The following PPCS variants were observed in gnomAD, a reference collection of about 807,000 sequenced individuals.
PPCS encodes the protein phosphopantothenate--cysteine ligase.
Under a neutral mutation model 24.6 loss-of-function variants are expected in PPCS, and 17 were observed. That is an observed-to-expected ratio of 0.69 (90% confidence interval 0.47 to 1.04). The LOEUF (loss-of-function observed/expected upper bound fraction) is 1.04. Among genes scored for constraint, PPCS ranks in the 50% least tolerant of loss-of-function variants. PPCS has a pLI of 0.00. For missense variants in PPCS, 360 were observed against 402.8 expected, an observed-to-expected ratio of 0.89 and a Z score of 0.91; for synonymous variants, 190 against 168.3, an observed-to-expected ratio of 1.13 and a Z score of -1.00.
upstream of PPCS, chr1:42,456,422 G>A (rs1287539664): frequency 5.5e-6 from 5 of 906,580 alleles, no homozygotes. Flanking sequence ...CGCATTTCCA[G>A]ACTTGGCGAG....
intron 2 of PPCS, 46 bp from the exon 3 acceptor site, chr1:42,459,557 G>A (rs1007906541): frequency 4.0e-6 from 6 of 1,490,356 alleles, no homozygotes; most frequent in African/African-American, 2.8e-5. Context: ...GACCTGGTAG[G>A]TAATGACCAT....
chr1:42,466,787 G>A (rs1382512692), intron 2 of PPCS, among the ~76,000 whole-genome samples: 2 of 152,054 alleles, frequency 1.3e-5, no homozygotes, highest in African/African-American at 4.8e-5. Flanking sequence ...CCTGACCTCA[G>A]GTGATCCATC....
intron 1 of PPCS, 64 bp downstream of exon 1, chr1:42,457,137 C>G: frequency 6.3e-7 from 1 of 1,586,360 alleles, no homozygotes; most frequent in Admixed American, 1.7e-5. Context: ...CCACTTATCC[C>G]CTTACCTCCT....
At chr1:42,467,927 C>G (rs1330131138) in intron 2 of PPCS, 1 of 152,228 alleles carries the variant, frequency 6.6e-6, no homozygotes, top group Non-Finnish European at 1.5e-5. Context: ...TCTTTTCAGC[C>G]TTGCTGATGA....
At chr1:42,459,440 C>A in intron 2 of PPCS, 163 bp from the exon 3 acceptor site, 1 of 680,324 alleles carries the variant, frequency 1.5e-6, no homozygotes, top group Non-Finnish European at 2.4e-6. Flanking sequence ...GGATTACAGG[C>A]CAAGCCACTG....
rs1366392984 is a variant in PPCS, at chr1:42,457,312, C to T, written c.574C>T (p.Pro192Ser). The T allele has an allele frequency of 3.1e-6, 5 of 1,614,058 alleles. No individual in the cohort carries two copies. The African/African-American group carries it at 5.3e-5, about 17-fold the overall frequency. Reference sequence around the variant, plus strand: ...TTTCTATGTTCCTGTCTCTGAAATGCCTGAACACAAGATCCAGTCATCTGG... The same window carrying T: ...TTTCTATGTTCCTGTCTCTGAAATGTCTGAACACAAGATCCAGTCATCTGG... ...SDFYVPVSEM[P>S]EHKIQSSGGP... Residue 192 changes from proline to serine, a missense_variant, in exon 2 of 3, where the codon CCT becomes TCT. Pro to Ser is a moderately conservative substitution (Grantham distance 74). Transcript: ENST00000372561.
intron 2 of PPCS, among the ~76,000 whole-genome samples, chr1:42,467,985 C>T (rs1227115906): frequency 6.6e-6 from 1 of 152,190 alleles, no homozygotes. Context: ...GGAGCAAACT[C>T]GCAGGGAAGC....
chr1:42,460,016 A>G lies in PPCS; in HGVS notation c.*90A>G. The G allele has an allele frequency of 6.8e-7, 1 of 1,469,860 alleles. No individual in the cohort carries two copies. Among genetic ancestry groups the G allele is most frequent in the South Asian group, 1.5e-5 (1 of 68,846 alleles). The allele number at this position is 1,469,860 out of a possible 1,614,324, so 91.1% of individuals were successfully genotyped here. On this transcript the variant is annotated 3_prime_UTR_variant, in exon 3 of 3. Coordinates refer to ENST00000372561, the MANE Select transcript of PPCS (RefSeq NM_024664.4). ...AAAACCATGGCTTTCATATGGACAGATAAAATGAAAGAAAGGGAAAAGGCA... is the reference window on the plus strand; with the variant it reads ...AAAACCATGGCTTTCATATGGACAGGTAAAATGAAAGAAAGGGAAAAGGCA...
intron 2 of PPCS, among the ~76,000 whole-genome samples, chr1:42,466,563 T>C (rs925139108): frequency 6.6e-6 from 1 of 152,052 alleles, no homozygotes; most frequent in Admixed American, 6.5e-5. Context: ...TTTTGTTTTT[T>C]TTTTTTGAGA....
intron 2 of PPCS, among the ~76,000 whole-genome samples, chr1:42,470,368 C>T (rs1301558616): frequency 1.3e-5 from 2 of 151,344 alleles, no homozygotes; most frequent in Admixed American, 6.6e-5. Context: ...CTGGTAGGAA[C>T]GTAAAATGGT....
Position 42,459,919 on chromosome 1 carries a change from G to A in PPCS, c.929G>A (p.Arg310Lys), listed in dbSNP as rs368483468. Residue 310 changes from arginine (R) to lysine (K), a missense_variant, in exon 3 of 3, where the codon AGA becomes AAA. Physicochemically the swap from Arg to Lys is conservative, Grantham distance 26. Coordinates refer to ENST00000372561, the MANE Select transcript of PPCS (RefSeq NM_024664.4). ...QSRHTAFIGD[R>K]N ...CGACACACAGCTTTTATAGGTGACA[G>A]AAACTGAAGTAAAAAGCCCTTATAG... The A allele has an allele frequency of 1.2e-6, 2 of 1,603,792 alleles. No individual in the cohort carries two copies. The highest frequency in any genetic ancestry group is 2.7e-5 in the African/African-American group (2 of 74,274).
At position 42,471,228 on chromosome 1, in the gene PPCS, T is replaced by A. The variant is rs142933329; in HGVS notation, n.378-1894T>A. Among the ~76,000 whole-genome samples, 803 of 152,266 alleles carry A rather than the reference T, an allele frequency of 5.3e-3. 6 individuals carry two copies. Among genetic ancestry groups the A allele is most frequent in the African/African-American group, 0.018 (750 of 41,540 alleles). On this transcript the variant is annotated intron_variant and non_coding_transcript_variant, in intron 2 of 2. Coordinates refer to the PPCS transcript ENST00000471420. The stretch of plus-strand genomic sequence containing the variant: ...GTCCTACTGATCAGCAAGGATCAGA[T>A]CCAAAGGTATTTTCCAATATCCTGA...
Position 42,460,610 on chromosome 1 carries a change from T to C in PPCS, c.*684T>C, listed in dbSNP as rs1479026346. ...TTTTCAGTTTAACTTAATATGTCCTTCCACCTGGGACCAGGCAGGGGCCAC... is the reference window on the plus strand; with the variant it reads ...TTTTCAGTTTAACTTAATATGTCCTCCCACCTGGGACCAGGCAGGGGCCAC... On this transcript the variant is annotated 3_prime_UTR_variant, in exon 3 of 3. Transcript: ENST00000372561. Among the ~76,000 whole-genome samples the C allele has an allele frequency of 6.6e-6, 1 of 152,222 alleles. No homozygotes were observed. The highest frequency in any genetic ancestry group is 1.9e-4 in the East Asian group (1 of 5,206).
chr1:42,456,639 G>T lies in PPCS; in HGVS notation c.74G>T (p.Arg25Leu), dbSNP rs774666574. The T allele has an allele frequency of 6.5e-7, 1 of 1,542,122 alleles. No homozygotes were observed. Residue 25 changes from arginine (R) to leucine (L), a missense_variant, in exon 1 of 3, where the codon CGC becomes CTC. Arg to Leu is a moderately radical substitution (Grantham distance 102, BLOSUM62 -2). Transcript: ENST00000372561. ...GAARWAEVMA[R>L]FAARLGAQGR... The stretch of plus-strand genomic sequence containing the variant: ...GCGCGCTGGGCTGAGGTTATGGCTC[G>T]CTTCGCGGCCAGGCTGGGCGCGCAG...
intron 2 of PPCS, among the ~76,000 whole-genome samples, chr1:42,470,092 G>C (rs563191673): frequency 6.6e-6 from 1 of 152,296 alleles, no homozygotes; most frequent in South Asian, 2.1e-4. Context: ...GTGGGACAAA[G>C]GGGTAAGATA....
At chr1:42,458,328 G>A (rs771100513) in intron 2 of PPCS, among the ~76,000 whole-genome samples, 2 of 152,166 alleles carry the variant, frequency 1.3e-5, no homozygotes, top group Non-Finnish European at 2.9e-5. Flanking sequence ...TATGGATAAG[G>A]TAGGTGTGGT....
At chr1:42,463,344 G>C (rs1390645122), downstream of PPCS, 2 of 152,254 alleles carry the variant, frequency 1.3e-5, no homozygotes, top group East Asian at 1.9e-4. Flanking sequence ...CGTAGGGGCC[G>C]AGCGACCCCG....
chr1:42,458,997 G>A (rs1009432051), intron 2 of PPCS, among the ~76,000 whole-genome samples: 2 of 152,168 alleles, frequency 1.3e-5, no homozygotes, highest in African/African-American at 4.8e-5. Flanking sequence ...CTGTTTATTT[G>A]AGGGTTTGGT....
chr1:42,471,033 A>G (rs1280642304), intron 2 of PPCS, among the ~76,000 whole-genome samples: 2 of 152,248 alleles, frequency 1.3e-5, no homozygotes, highest in Admixed American at 6.5e-5. Flanking sequence ...CATGGAGTTT[A>G]GGATGGCAGG....
Sources: gnomAD v4.1 joint callset for allele counts (sites outside exome capture counted in the v4.1 genomes callset) on GRCh38, gnomAD v4.1.1 for gene constraint, MANE v1.5 for transcripts, NCBI Gene and HGNC (gene_info 2026-07-23, HGNC 2026-07-21) for gene names.